LUZP2: variants seen among roughly 807,000 people sequenced by gnomAD.
The protein encoded by LUZP2 is leucine zipper protein 2.
LUZP2 carries 52 observed loss-of-function variants against 51.6 expected under a neutral mutation model. The observed-to-expected ratio is 1.01, with a 90% CI of 0.81 to 1.27. LUZP2 has a LOEUF of 1.27. Among genes scored for constraint, LUZP2 ranks in the 50% most tolerant of loss-of-function variants. The pLI is 0.00. For missense variants in LUZP2, 436 were observed against 395.4 expected, an observed-to-expected ratio of 1.10 and a Z score of -0.87; for synonymous variants, 154 against 137.3, an observed-to-expected ratio of 1.12 and a Z score of -0.85.
intron 1 of LUZP2, among the ~76,000 whole-genome samples, chr11:24,568,893 A>C (rs922312647): frequency 6.6e-6 from 1 of 151,776 alleles, no homozygotes; most frequent in Non-Finnish European, 1.5e-5. Flanking sequence ...ATAGTAATAC[A>C]TATGTTTTCT....
chr11:24,977,497 G>C (rs1855911620), intron 8 of LUZP2, among the ~76,000 whole-genome samples: 1 of 151,398 alleles, frequency 6.6e-6, no homozygotes, highest in Admixed American at 6.6e-5. Flanking sequence ...ATAACACCAG[G>C]GATGTTTACA....
At chr11:24,532,725 A>G (rs10834369) in intron 1 of LUZP2, among the ~76,000 whole-genome samples, 20,794 of 150,986 alleles carry the variant, frequency 0.14, 1,532 homozygotes, top group South Asian at 0.2. Context: ...CTAATCTCCT[A>G]TAGTTTCAAG....
At chr11:24,591,747 C>A (rs1054106206) in intron 1 of LUZP2, among the ~76,000 whole-genome samples, 1 of 152,138 alleles carries the variant, frequency 6.6e-6, no homozygotes, top group Non-Finnish European at 1.5e-5. Flanking sequence ...AACATCTAAA[C>A]ACCATTCTAT....
intron 9 of LUZP2, among the ~76,000 whole-genome samples, chr11:25,020,692 TAA>T (rs937007492): frequency 6.6e-6 from 1 of 152,118 alleles, no homozygotes; most frequent in African/African-American, 2.4e-5. Flanking sequence ...AATTATCTCT[TAA>T]GAGTAATTTG....
intron 4 of LUZP2, among the ~76,000 whole-genome samples, chr11:24,749,377 C>T (rs1398340001): frequency 6.6e-6 from 1 of 152,170 alleles, no homozygotes; most frequent in Admixed American, 6.5e-5. Context: ...TTATACGCCC[C>T]TGTGATGGCT....
intron 1 of LUZP2, among the ~76,000 whole-genome samples, chr11:24,677,533 G>A (rs1856601034): frequency 6.6e-6 from 1 of 152,034 alleles, no homozygotes; most frequent in East Asian, 1.9e-4. Flanking sequence ...TGCAAATTAG[G>A]CATTTTTATA....
intron 5 of LUZP2, among the ~76,000 whole-genome samples, chr11:24,834,809 A>T (rs760028874): frequency 2.6e-5 from 4 of 152,154 alleles, no homozygotes; most frequent in Non-Finnish European, 4.4e-5. Flanking sequence ...ATGGTATCTC[A>T]TTGTGGTTTT....
chr11:25,051,729 T>C (rs1159243962), intron 10 of LUZP2, among the ~76,000 whole-genome samples: 1 of 152,190 alleles, frequency 6.6e-6, no homozygotes, highest in East Asian at 1.9e-4. Context: ...AATCGAGTGA[T>C]AAGGCCATGG....
At chr11:24,922,894 G>A (rs574264829) in intron 7 of LUZP2, among the ~76,000 whole-genome samples, 216 of 131,826 alleles carry the variant, frequency 1.6e-3, no homozygotes, top group Non-Finnish European at 2.3e-3. Context: ...CATTGCCCAG[G>A]CTGGAGTGCA....
intron 9 of LUZP2, among the ~76,000 whole-genome samples, chr11:24,986,113 C>G (rs1856180481): frequency 6.6e-6 from 1 of 151,642 alleles, no homozygotes; most frequent in African/African-American, 2.4e-5. Context: ...AAAAATAGAG[C>G]ATGCATGTCA....
At chr11:25,071,883 G>A (rs921113002) in intron 10 of LUZP2, among the ~76,000 whole-genome samples, 61 of 151,710 alleles carry the variant, frequency 4.0e-4, no homozygotes, top group Middle Eastern at 3.4e-3. Flanking sequence ...TGATGAAAAA[G>A]CATATAAAGT....
chr11:24,948,666 G>C lies in LUZP2; in HGVS notation c.523-27925G>C, dbSNP rs1854970845. ...CTGAATATAGACAGTATAACTCATG[G>C]GTTTTTAGAACCTTGTGAACCCACC... On this transcript the variant is annotated intron_variant, in intron 7 of 11. Coordinates refer to ENST00000336930, the MANE Select transcript of LUZP2 (RefSeq NM_001009909.4). 4.0e-5 allele frequency among the ~76,000 whole-genome samples: 6 copies of C among 151,586 alleles called. No individual in the cohort carries two copies. The Admixed American group carries it at 4.0e-4, about 10-fold the overall frequency.
At chr11:24,959,313 G>A (rs1855318928) in intron 7 of LUZP2, among the ~76,000 whole-genome samples, 2 of 152,056 alleles carry the variant, frequency 1.3e-5, no homozygotes, top group African/African-American at 4.8e-5. Context: ...TAGCTTGATG[G>A]GGATGGCATT....
chr11:24,807,743 C>G (rs1159281789), intron 5 of LUZP2, among the ~76,000 whole-genome samples: 4 of 152,064 alleles, frequency 2.6e-5, no homozygotes, highest in Non-Finnish European at 5.9e-5. Flanking sequence ...AAGAACTCCT[C>G]TAGAATGAGG....
chr11:24,810,481 A>G (rs922197334), intron 5 of LUZP2, among the ~76,000 whole-genome samples: 1 of 152,188 alleles, frequency 6.6e-6, no homozygotes, highest in African/African-American at 2.4e-5. Context: ...AATTTAAAAT[A>G]TTAGGCCATT....
rs185253682 is a variant in LUZP2, at chr11:24,765,814, G to T, written c.396+2506G>T. On this transcript the variant is annotated intron_variant, in intron 5 of 11. Coordinates refer to ENST00000336930, the MANE Select transcript of LUZP2 (RefSeq NM_001009909.4). ...GCTAATTTTTTGTATTTTTAATGAA[G>T]ACAGGGTTTCACTGTGTTAGCCAGG... is the stretch of plus-strand genomic sequence containing the variant. 5.5e-3 allele frequency among the ~76,000 whole-genome samples: 843 copies of T among 151,978 alleles called. 8 individuals carry two copies. Among genetic ancestry groups the T allele is most frequent in the African/African-American group, 0.018 (739 of 41,460 alleles).
intron 4 of LUZP2, among the ~76,000 whole-genome samples, chr11:24,755,162 AAC>A (rs1252982890): frequency 1.3e-5 from 2 of 152,010 alleles, no homozygotes; most frequent in Admixed American, 6.6e-5. Flanking sequence ...AGAAAAAAAA[AAC>A]ACACACACAC....
intron 10 of LUZP2, among the ~76,000 whole-genome samples, chr11:25,061,824 T>A (rs1389479364): frequency 1.3e-5 from 2 of 152,170 alleles, no homozygotes; most frequent in African/African-American, 4.8e-5. Context: ...ATTCTTTAAT[T>A]ATACATGCAT....
At chr11:25,060,011 T>C (rs1364885187) in intron 10 of LUZP2, among the ~76,000 whole-genome samples, 1 of 152,172 alleles carries the variant, frequency 6.6e-6, no homozygotes, top group African/African-American at 2.4e-5. Flanking sequence ...CTTTATATGT[T>C]TTTTAAAAAT....
Sources: allele counts gnomAD v4.1 joint callset (sites outside exome capture counted in the v4.1 genomes callset), GRCh38; gene constraint gnomAD v4.1.1; transcripts MANE v1.5; gene names NCBI Gene and HGNC (gene_info 2026-07-23, HGNC 2026-07-21).